The following DNAJC2 variants were observed in gnomAD, a reference collection of about 807,000 sequenced individuals.
The protein encoded by DNAJC2 is dnaJ homolog subfamily C member 2.
In DNAJC2, 32 loss-of-function variants were observed where a neutral mutation model predicts 94.0. The observed-to-expected ratio is 0.34, with a 90% CI of 0.26 to 0.46. The LOEUF is 0.46. Ranked by LOEUF, DNAJC2 falls within the 20% of genes least tolerant of loss-of-function variation. The probability of loss-of-function intolerance (pLI) is 1.00; values close to 1 mark genes in which losing one functional copy is unlikely to be tolerated. For missense variants in DNAJC2, 550 were observed against 719.5 expected, an observed-to-expected ratio of 0.76 and a Z score of 2.69; for synonymous variants, 210 against 229.7, an observed-to-expected ratio of 0.91 and a Z score of 0.77.
chr7:103,322,473 A>G (rs955403983), intron 9 of DNAJC2, 38 bp downstream of exon 9: 8 of 1,399,514 alleles, frequency 5.7e-6, no homozygotes, highest in Non-Finnish European at 7.7e-6. Flanking sequence ...AAGATTTCAT[A>G]AACATTTAAA....
intron 9 of DNAJC2, 78 bp from the exon 10 acceptor site, chr7:103,322,159 C>A (rs1334931521): frequency 1.8e-6 from 2 of 1,118,154 alleles, no homozygotes; most frequent in Non-Finnish European, 2.4e-6. Flanking sequence ...AAAATTTAAA[C>A]TTTTAATAAA....
intron 10 of DNAJC2, chr7:103,320,988 AG>A (rs1236333750): frequency 2.0e-5 from 3 of 153,618 alleles, no homozygotes; most frequent in Non-Finnish European, 4.4e-5. Flanking sequence ...ACTTGAGGCC[AG>A]GAGTTTGAGA....
At chr7:103,320,883 TG>T (rs1818368700) in intron 10 of DNAJC2, 1 of 172,534 alleles carries the variant, frequency 5.8e-6, no homozygotes, top group East Asian at 1.7e-4. Context: ...TAGTTACATT[TG>T]CATAGTAAAG....
intron 2 of DNAJC2, among the ~76,000 whole-genome samples, chr7:103,338,225 A>T (rs1044470285): frequency 6.6e-6 from 1 of 150,432 alleles, no homozygotes; most frequent in Non-Finnish European, 1.5e-5. Flanking sequence ...AGCTGTGATC[A>T]TGCCACTGCA....
At chr7:103,320,450 T>G (rs1177894899) in intron 10 of DNAJC2, among the ~76,000 whole-genome samples, 3 of 152,094 alleles carry the variant, frequency 2.0e-5, no homozygotes, top group Non-Finnish European at 4.4e-5. Context: ...AGTTTTTTTC[T>G]AAACATAATC....
intron 4 of DNAJC2, 32 bp from the exon 5 acceptor site, chr7:103,326,716 A>G (rs991903372): frequency 1.9e-6 from 3 of 1,570,168 alleles, no homozygotes; most frequent in Non-Finnish European, 2.6e-6. Flanking sequence ...TCACATCACC[A>G]TAACTTTACC....
intron 3 of DNAJC2, among the ~76,000 whole-genome samples, chr7:103,332,482 A>G (rs1453398392): frequency 6.6e-6 from 1 of 152,228 alleles, no homozygotes; most frequent in Non-Finnish European, 1.5e-5. Flanking sequence ...CGATTCTCCA[A>G]TTACAAAATA....
At chr7:103,334,879 G>T (rs549041211) in intron 3 of DNAJC2, among the ~76,000 whole-genome samples, 15 of 152,172 alleles carry the variant, frequency 9.9e-5, no homozygotes, top group Non-Finnish European at 2.1e-4. Flanking sequence ...TGTCACCCAG[G>T]CTGGAGTGCA....
intron 3 of DNAJC2, among the ~76,000 whole-genome samples, chr7:103,332,198 G>A (rs1276605411): frequency 3.9e-5 from 6 of 151,960 alleles, no homozygotes; most frequent in African/African-American, 1.2e-4. Flanking sequence ...GTAGAGACGG[G>A]GTTTCACCGT....
chr7:103,319,178 C>T (rs1818242370), intron 12 of DNAJC2, among the ~76,000 whole-genome samples: 1 of 151,830 alleles, frequency 6.6e-6, no homozygotes, highest in Non-Finnish European at 1.5e-5. Context: ...GTGGTTCACA[C>T]CTATAATCCC....
intron 6 of DNAJC2, 78 bp downstream of exon 6, chr7:103,324,402 ATT>A: frequency 8.0e-7 from 1 of 1,248,856 alleles, no homozygotes; most frequent in East Asian, 3.0e-5. Context: ...ATCTGAATTA[ATT>A]TATAAACAAT....
rs975347803 is a variant in DNAJC2 at position 103,331,483 on chromosome 7, T to C, written c.332-3729A>G. ...CCTTCTAATTGTATGTTTGTATCCA[T>C]TGACCAACCTCTCTTTATCCCTCTC... On this transcript the variant is annotated intron_variant, in intron 3 of 16. Transcript: ENST00000379263. Among the ~76,000 whole-genome samples, 65 of 152,220 alleles carry C rather than the reference T, an allele frequency of 4.3e-4. 1 individual carries two copies. Among genetic ancestry groups the C allele is most frequent in the African/African-American group, 1.4e-3 (60 of 41,460 alleles).
Position 103,332,389 on chromosome 7 carries a change from C to CT in DNAJC2, c.332-4636dup, listed in dbSNP as rs201263367. Reference sequence around the variant, plus strand: ...TTGTTTGTAGGATTTTTTGGGCTCTCTTTGCTAGGTTTTGCATACTCAGAT... The same window carrying CT: ...TTGTTTGTAGGATTTTTTGGGCTCTCTTTTGCTAGGTTTTGCATACTCAGAT... On this transcript the variant is annotated intron_variant, in intron 3 of 16. Coordinates refer to ENST00000379263, the MANE Select transcript of DNAJC2 (RefSeq NM_014377.3). Among the ~76,000 whole-genome samples, 1,267 of 152,226 alleles carry CT rather than the reference C, an allele frequency of 8.3e-3. 7 individuals carry two copies. The highest frequency in any genetic ancestry group is 0.015 in the Non-Finnish European group (987 of 68,010).
intron 1 of DNAJC2, among the ~76,000 whole-genome samples, chr7:103,342,519 G>C (rs1317582723): frequency 1.3e-5 from 2 of 151,800 alleles, no homozygotes; most frequent in Non-Finnish European, 2.9e-5. Context: ...TGGTCAGCCT[G>C]GTCTCGAACT....
chr7:103,314,261 G>A, intron 15 of DNAJC2: 2 of 985,382 alleles, frequency 2.0e-6, no homozygotes, highest in Non-Finnish European at 2.4e-6. Flanking sequence ...CTGTTCTCCA[G>A]TTACTTCACA....
chr7:103,337,506 C>A, intron 3 of DNAJC2: 1 of 456,458 alleles, frequency 2.2e-6, no homozygotes, highest in East Asian at 3.8e-5. Flanking sequence ...CACACACACA[C>A]CCATCCTAAT....
Position 103,314,563 on chromosome 7 carries a change from T to G in DNAJC2, c.1636+1201A>C, listed in dbSNP as rs1380349067. 3 of 985,334 alleles carry G rather than the reference T, an allele frequency of 3.0e-6. No individual in the cohort carries two copies. In the African/African-American group the frequency reaches 5.2e-5, roughly 17 times the overall value. The allele number at this position is 985,334 out of a possible 1,614,324, so 61.0% of individuals were successfully genotyped here. On this transcript the variant is annotated intron_variant, in intron 15 of 16. Transcript: ENST00000379263. ...CTGAGACTAGTGTGCTAATACCTGT[T>G]GTATTTTGTGGAGATAAAGGTGCAG...
Position 103,319,592 on chromosome 7 carries a change from A to G in DNAJC2, c.1242+17T>C. On this transcript the variant is annotated intron_variant, in intron 12 of 16. Transcript: ENST00000379263. ...TAAATGCTACATATAGGTAGGAGTGATGTGTTCCTCTATTACCTGTTTTTC... is the reference window on the plus strand; with the variant it reads ...TAAATGCTACATATAGGTAGGAGTGGTGTGTTCCTCTATTACCTGTTTTTC... 6.2e-7 allele frequency: 1 copy of G among 1,612,474 alleles called. No individual in the cohort carries two copies. Among genetic ancestry groups the G allele is most frequent in the Non-Finnish European group, 8.5e-7 (1 of 1,178,552 alleles).
chr7:103,317,450 TC>T (rs1326276994), intron 12 of DNAJC2: 1 of 156,830 alleles, frequency 6.4e-6, no homozygotes, highest in Non-Finnish European at 1.4e-5. Flanking sequence ...TTTACATTGT[TC>T]CTTCTAGACT....
Sources: allele counts gnomAD v4.1 joint callset (sites outside exome capture counted in the v4.1 genomes callset), GRCh38; gene constraint gnomAD v4.1.1; transcripts MANE v1.5; gene names NCBI Gene and HGNC (gene_info 2026-07-23, HGNC 2026-07-21).